Variants in KCTD8 observed in about 807,000 individuals in gnomAD.
The protein encoded by KCTD8 is potassium channel tetramerization domain containing 8.
KCTD8 carries 27 observed loss-of-function variants against 31.5 expected under a neutral mutation model. The ratio of observed to expected loss-of-function variants is 0.86; its 90% CI spans 0.63 to 1.18. The LOEUF (loss-of-function observed/expected upper bound fraction) is 1.18. Ranked by LOEUF, KCTD8 falls within the 50% of genes most tolerant of loss-of-function variation. KCTD8 has a pLI of 0.00. For synonymous variants in KCTD8, 290 were observed against 280.0 expected (o/e 1.04, Z -0.36); for missense variants, 658 against 647.7 (o/e 1.02, Z -0.17).
At position 44,185,293 on chromosome 4, in the gene KCTD8, T is replaced by C. The variant is rs75862569; in HGVS notation, c.962-10043A>G. 5.0e-3 allele frequency among the ~76,000 whole-genome samples: 757 copies of C among 152,318 alleles called. 6 individuals are homozygous for C. The highest frequency in any genetic ancestry group is 0.017 in the African/African-American group (719 of 41,554). On this transcript the variant is annotated intron_variant, in intron 1 of 1. Transcript: ENST00000360029. ...TCTATCTATTCATCTCTGTTCCAAT[T>C]TCCACCACCTATGACAGGTTTCTTA...
intron 1 of KCTD8, among the ~76,000 whole-genome samples, chr4:44,442,241 T>C (rs1184277602): frequency 6.6e-6 from 1 of 152,126 alleles, no homozygotes; most frequent in Non-Finnish European, 1.5e-5. Context: ...AGTTATTTAA[T>C]CTTATTTTTT....
In KCTD8 at chr4:44,323,234, C is replaced by T. The variant is rs577949826; in HGVS notation, c.961+124329G>A. On this transcript the variant is annotated intron_variant, in intron 1 of 1. Coordinates refer to ENST00000360029, the MANE Select transcript of KCTD8 (RefSeq NM_198353.3). The stretch of plus-strand genomic sequence containing the variant: ...TGTGGCCAGGCACGGTGGCTCACAC[C>T]TGTAATCCTAGCACTTTGGGAGGTC... Among the ~76,000 whole-genome samples the T allele has an allele frequency of 9.4e-4, 143 of 152,036 alleles. 1 individual carries two copies. The highest frequency in any genetic ancestry group is 3.4e-3 in the African/African-American group (141 of 41,386).
intron 1 of KCTD8, among the ~76,000 whole-genome samples, chr4:44,336,359 C>G (rs1447556418): frequency 6.6e-6 from 1 of 151,378 alleles, no homozygotes; most frequent in Non-Finnish European, 1.5e-5. Flanking sequence ...AACATCTTCA[C>G]AGAATTGAAA....
At position 44,388,405 on chromosome 4, in the gene KCTD8, G is replaced by A. The variant is rs368639853; in HGVS notation, c.961+59158C>T. Among the ~76,000 whole-genome samples, 15 of 151,902 alleles carry A rather than the reference G, an allele frequency of 9.9e-5. No individual in the cohort carries two copies. The East Asian group carries it at 1.2e-3, about 12-fold the overall frequency. On this transcript the variant is annotated intron_variant, in intron 1 of 1. Transcript: ENST00000360029. ...TTCTATTATAAAGACACATGCACAC[G>A]TATGTTCACTGCAGTACTATTTACA...
chr4:44,431,669 A>G (rs1434627289), intron 1 of KCTD8, among the ~76,000 whole-genome samples: 1 of 151,584 alleles, frequency 6.6e-6, no homozygotes, highest in Non-Finnish European at 1.5e-5. Flanking sequence ...ATCTTTTGAC[A>G]GATATACTCA....
chr4:44,339,374 A>G (rs1006330651), intron 1 of KCTD8, among the ~76,000 whole-genome samples: 1 of 152,204 alleles, frequency 6.6e-6, no homozygotes, highest in Non-Finnish European at 1.5e-5. Context: ...AGCAAAAGAC[A>G]CAACTTGATA....
chr4:44,206,465 C>T lies in KCTD8; in HGVS notation c.962-31215G>A, dbSNP rs1485342995. ...AGTGGCACTCAAGATGAAGCTTTTGCTCATTAAATATGTAGGTTATTGCCA... is the reference window on the plus strand; with the variant it reads ...AGTGGCACTCAAGATGAAGCTTTTGTTCATTAAATATGTAGGTTATTGCCA... On this transcript the variant is annotated intron_variant, in intron 1 of 1. Transcript: ENST00000360029. Among the ~76,000 whole-genome samples the T allele has an allele frequency of 6.6e-5, 10 of 152,094 alleles. No individual in the cohort carries two copies. In the East Asian group the frequency reaches 1.9e-3, roughly 29 times the overall value.
chr4:44,275,606 A>G (rs544932140), intron 1 of KCTD8, among the ~76,000 whole-genome samples: 1 of 152,228 alleles, frequency 6.6e-6, no homozygotes, highest in South Asian at 2.1e-4. Flanking sequence ...AGGTTTAATC[A>G]AAGCTAAGAA....
At chr4:44,296,243 T>G (rs926890076) in intron 1 of KCTD8, among the ~76,000 whole-genome samples, 2 of 151,882 alleles carry the variant, frequency 1.3e-5, no homozygotes, top group African/African-American at 4.9e-5. Flanking sequence ...TTCTGATCCT[T>G]AGTAACCCCT....
At chr4:44,440,773 G>A (rs1390750928) in intron 1 of KCTD8, among the ~76,000 whole-genome samples, 3 of 152,136 alleles carry the variant, frequency 2.0e-5, no homozygotes, top group African/African-American at 4.8e-5. Flanking sequence ...ATCAACATGC[G>A]AAAAGATCAT....
chr4:44,323,856 C>T (rs778150034), intron 1 of KCTD8, among the ~76,000 whole-genome samples: 6 of 151,812 alleles, frequency 4.0e-5, no homozygotes, highest in East Asian at 1.9e-4. Context: ...ACATTATCAT[C>T]GCCTGGTCTG....
intron 1 of KCTD8, among the ~76,000 whole-genome samples, chr4:44,439,932 AT>A (rs1379946632): frequency 3.3e-5 from 5 of 150,124 alleles, no homozygotes; most frequent in African/African-American, 1.2e-4. Context: ...TTATTTATTT[AT>A]TTATTTATTT....
intron 1 of KCTD8, among the ~76,000 whole-genome samples, chr4:44,307,049 G>T (rs960113557): frequency 5.3e-5 from 8 of 151,892 alleles, no homozygotes; most frequent in Non-Finnish European, 1.2e-4. Flanking sequence ...AACTAAAGCG[G>T]CCATAAACAA....
chr4:44,336,149 C>CAAAA (rs58161667), intron 1 of KCTD8, among the ~76,000 whole-genome samples: 15 of 46,522 alleles, frequency 3.2e-4, no homozygotes, highest in African/African-American at 8.2e-4. Context: ...GACTCCGTCT[C>CAAAA]AAAAAAAAAA....
intron 1 of KCTD8, among the ~76,000 whole-genome samples, chr4:44,236,828 A>AGAGAACTGAATCGTGGGGGC (rs1715302295): frequency 6.6e-6 from 1 of 152,002 alleles, no homozygotes; most frequent in African/African-American, 2.4e-5. Flanking sequence ...AACAGATGGG[A>AGAGAACTGAATCGTGGGGGC]GAGAACTGAA....
At chr4:44,426,593 T>C (rs1721354710) in intron 1 of KCTD8, among the ~76,000 whole-genome samples, 1 of 151,720 alleles carries the variant, frequency 6.6e-6, no homozygotes, top group African/African-American at 2.4e-5. Flanking sequence ...GGTACTGAAA[T>C]TGAAAACCTA....
chr4:44,204,031 A>G (rs943463571), intron 1 of KCTD8, among the ~76,000 whole-genome samples: 36 of 152,120 alleles, frequency 2.4e-4, no homozygotes, highest in African/African-American at 8.2e-4. Flanking sequence ...CTTCCAGTAC[A>G]AAAAAATGAA....
At chr4:44,275,429 T>C (rs1012186960) in intron 1 of KCTD8, among the ~76,000 whole-genome samples, 1 of 151,960 alleles carries the variant, frequency 6.6e-6, no homozygotes, top group Non-Finnish European at 1.5e-5. Context: ...AGAGACAATG[T>C]AATGTACACA....
intron 1 of KCTD8, among the ~76,000 whole-genome samples, chr4:44,256,346 A>T (rs2109363640): frequency 6.6e-6 from 1 of 152,130 alleles, no homozygotes; most frequent in Non-Finnish European, 1.5e-5. Flanking sequence ...CAATTCATGC[A>T]TATGACAAAG....
Sources: gnomAD v4.1 joint callset for allele counts (sites outside exome capture counted in the v4.1 genomes callset) on GRCh38, gnomAD v4.1.1 for gene constraint, MANE v1.5 for transcripts, NCBI Gene and HGNC (gene_info 2026-07-23, HGNC 2026-07-21) for gene names.